Variants in SHLD2 observed in about 807,000 individuals in gnomAD.
SHLD2 encodes the protein shieldin complex subunit 2.
Under a neutral mutation model 73.2 loss-of-function variants are expected in SHLD2, and 30 were observed. The ratio of observed to expected loss-of-function variants is 0.41; its 90% CI spans 0.31 to 0.56. SHLD2 has a LOEUF of 0.56. Ranked by LOEUF, SHLD2 falls within the 20% of genes least tolerant of loss-of-function variation. The probability of loss-of-function intolerance (pLI) is 0.28; values close to 1 mark genes in which losing one functional copy is unlikely to be tolerated. For synonymous variants in SHLD2, 285 were observed against 370.1 expected, an observed-to-expected ratio of 0.77 and a Z score of 2.64; for missense variants, 745 against 1,055.9, an observed-to-expected ratio of 0.71 and a Z score of 4.08.
At chr10:87,147,397 GA>G (rs1018891617) in intron 2 of SHLD2, among the ~76,000 whole-genome samples, 1 of 151,828 alleles carries the variant, frequency 6.6e-6, no homozygotes, top group African/African-American at 2.4e-5. Flanking sequence ...AACAATTTAG[GA>G]AAGAGTAATG....
rs1464922513 is a variant in SHLD2 at position 87,152,106 on chromosome 10, T to C, written c.752T>C (p.Val251Ala). ...CTCAGTATAATTACCTCCAGCCAGG[T>C]TGCTTTTTTAGCTCAAAAGAAAGAT... ...EFLSIITSSQ[V>A]AFLAQKKDKR... Residue 251 changes from valine to alanine, a missense_variant, in exon 3 of 10, where the codon GTT (valine) becomes GCT (alanine). Physicochemically the swap from Val to Ala is moderately conservative, Grantham distance 64. Coordinates refer to ENST00000298786, the MANE Select transcript of SHLD2 (RefSeq NM_001330112.2). The C allele has an allele frequency of 5.6e-6, 9 of 1,611,874 alleles. No individual in the cohort carries two copies. Among genetic ancestry groups the C allele is most frequent in the Non-Finnish European group, 7.6e-6 (9 of 1,179,844 alleles).
chr10:87,188,064 C>T (rs1848730168), intron 9 of SHLD2, among the ~76,000 whole-genome samples: 1 of 152,198 alleles, frequency 6.6e-6, no homozygotes, highest in African/African-American at 2.4e-5. Flanking sequence ...GTTCTTGCAC[C>T]TCCCCAAGTT....
chr10:87,158,099 C>T lies in SHLD2; in HGVS notation c.1577C>T (p.Thr526Ile), dbSNP rs768200675. The T allele has an allele frequency of 1.3e-5, 21 of 1,611,372 alleles. No individual in the cohort carries two copies. The East Asian group carries it at 4.7e-4, about 36-fold the overall frequency. ...ATTGGCGAGACAGTACTACAATCAA[C>T]ATTTAGCAGTCAGTTATTAAATCTT... Reference protein sequence around the residue: ...QWIGETVLQSTFSSQLLNLGS... With the variant: ...QWIGETVLQSIFSSQLLNLGS... The change falls in exon 4 of 10, where the codon ACA becomes ATA. Residue 526 changes from threonine (T) to isoleucine (I), a missense_variant. Transcript: ENST00000298786.
At chr10:87,105,259 A>G (rs1031597595) in intron 2 of SHLD2, among the ~76,000 whole-genome samples, 4 of 152,350 alleles carry the variant, frequency 2.6e-5, no homozygotes, top group African/African-American at 7.2e-5. Flanking sequence ...GGGCACATCT[A>G]TAATGCTGTT....
At chr10:87,155,100 A>G (rs1366614291) in intron 3 of SHLD2, among the ~76,000 whole-genome samples, 3 of 151,858 alleles carry the variant, frequency 2.0e-5, no homozygotes, top group Non-Finnish European at 2.9e-5. Context: ...GCGCGCGGCT[A>G]ATTTTTTTGT....
At chr10:87,124,570 C>T (rs1220885547) in intron 2 of SHLD2, among the ~76,000 whole-genome samples, 1 of 152,054 alleles carries the variant, frequency 6.6e-6, no homozygotes, top group Non-Finnish European at 1.5e-5. Context: ...GAAGATACCA[C>T]GTTAATTGTT....
At chr10:87,143,436 A>G (rs560280993) in intron 2 of SHLD2, among the ~76,000 whole-genome samples, 2 of 152,156 alleles carry the variant, frequency 1.3e-5, no homozygotes, top group East Asian at 1.9e-4. Flanking sequence ...CCTGGCAGCC[A>G]TGATCCTCTT....
upstream of SHLD2, among the ~76,000 whole-genome samples, chr10:87,095,017 C>CGCGCGCCGGCGGGGCGTCGGGG (rs1466526869): frequency 2.4e-4 from 35 of 145,316 alleles, no homozygotes; most frequent in Admixed American, 2.0e-4. Context: ...CTGGCGGCAG[C>CGCGCGCCGGCGGGGCGTCGGGG]GCGCGCCGGC....
intron 9 of SHLD2, among the ~76,000 whole-genome samples, chr10:87,188,013 C>G (rs1848724983): frequency 6.6e-6 from 1 of 152,140 alleles, no homozygotes; most frequent in Non-Finnish European, 1.5e-5. Flanking sequence ...CAGCATAGCC[C>G]TCCACTCTGC....
intron 9 of SHLD2, among the ~76,000 whole-genome samples, chr10:87,188,913 T>C (rs1481137657): frequency 6.6e-6 from 1 of 152,136 alleles, no homozygotes; most frequent in Non-Finnish European, 1.5e-5. Flanking sequence ...TCCGTTTTTT[T>C]CCCCCATTTT....
At chr10:87,116,996 AATTG>A (rs1843296968) in intron 2 of SHLD2, among the ~76,000 whole-genome samples, 1 of 152,180 alleles carries the variant, frequency 6.6e-6, no homozygotes, top group African/African-American at 2.4e-5. Flanking sequence ...TGGATAGTGG[AATTG>A]AAGATTGAAC....
chr10:87,176,035 A>C lies in SHLD2; in HGVS notation c.2110A>C (p.Ser704Arg), dbSNP rs901235363. ...TACATTTAAAGCAAAATTTCAAAAA[A>C]GTGCACCCTCCTTTGTGAAGATATC... ...AITFKAKFQK[S>R]APSFVKISDL... The change falls in exon 7 of 10, where the codon AGT becomes CGT. Residue 704 changes from serine (S) to arginine (R), a missense_variant. Around this residue, in one of 5 missense-constraint regions of SHLD2, gnomAD observed 418 missense variants for 567.8 expected, o/e 0.74. Coordinates refer to ENST00000298786, the MANE Select transcript of SHLD2 (RefSeq NM_001330112.2). 8.1e-5 allele frequency: 126 copies of C among 1,548,428 alleles called. No homozygotes were observed. The highest frequency in any genetic ancestry group is 9.9e-5 in the Non-Finnish European group (114 of 1,146,830).
chr10:87,161,744 T>C (rs1258403441), intron 4 of SHLD2, among the ~76,000 whole-genome samples: 2 of 152,214 alleles, frequency 1.3e-5, no homozygotes, highest in African/African-American at 4.8e-5. Flanking sequence ...ATATATGTTA[T>C]GGCATATAAA....
In SHLD2 at chr10:87,170,503, A is replaced by G. The variant is rs761088281; in HGVS notation, c.1659A>G (p.Val553=). ...ATTCCAGTGTAGTTAGTGAAGTTGT[A>G]CTTCAAGACTTACTGGCATATGTGT... The part of the protein sequence containing the change: ...EEYSSVVSEV[V]LQDLLAYVSS... The change falls in exon 5 of 10, where the codon GTA becomes GTG. Residue 553 remains valine (V), a synonymous_variant. Transcript: ENST00000298786. 4.9e-5 allele frequency: 78 copies of G among 1,596,466 alleles called. No homozygotes were observed. Among genetic ancestry groups the G allele is most frequent in the Admixed American group, 1.8e-4 (10 of 55,072 alleles).
At chr10:87,161,961 C>G (rs61858932) in intron 4 of SHLD2, among the ~76,000 whole-genome samples, 48,322 of 149,992 alleles carry the variant, frequency 0.32, 8,073 homozygotes, top group South Asian at 0.46. Context: ...ATTAGACCCA[C>G]CTACATATAG....
chr10:87,134,570 A>C (rs181097752), intron 2 of SHLD2, among the ~76,000 whole-genome samples: 1 of 150,110 alleles, frequency 6.7e-6, no homozygotes. Context: ...CAGGAGTAGT[A>C]AGCCAAAAGC....
At chr10:87,094,815 G>A (rs1241402553), upstream of SHLD2, 4 of 1,442,850 alleles carry the variant, frequency 2.8e-6, no homozygotes, top group East Asian at 2.8e-5. The surrounding 1 kb of genome is among the most constrained non-coding windows in gnomAD (Gnocchi z 6.6). Flanking sequence ...AAACAGGCGC[G>A]CTTTCTCAGA....
chr10:87,141,208 G>A (rs1213373874), intron 2 of SHLD2, among the ~76,000 whole-genome samples: 1 of 152,184 alleles, frequency 6.6e-6, no homozygotes, highest in African/African-American at 2.4e-5. Flanking sequence ...TTGAGCTTGG[G>A]AGGTTGAGGC....
chr10:87,180,055 T>C lies in SHLD2; in HGVS notation c.2171-20T>C, dbSNP rs1848204831. ...AATTTTGGCCCAATAATTTATAATA[T>C]ATCTGTTTGTTGTTTGTAGGAGTGG... On this transcript the variant is annotated intron_variant, in intron 7 of 9. Coordinates refer to ENST00000298786, the MANE Select transcript of SHLD2 (RefSeq NM_001330112.2). The C allele has an allele frequency of 6.3e-7, 1 of 1,598,124 alleles. No individual in the cohort carries two copies. The highest frequency in any genetic ancestry group is 1.7e-5 in the Admixed American group (1 of 59,988).
Sources: allele counts gnomAD v4.1 joint callset (sites outside exome capture counted in the v4.1 genomes callset), GRCh38; gene constraint gnomAD v4.1.1; regional missense constraint gnomAD v4.1.1; non-coding constraint Gnocchi (gnomAD v3.1); transcripts MANE v1.5; gene names NCBI Gene and HGNC (gene_info 2026-07-23, HGNC 2026-07-21).